TERB1: variants seen among roughly 807,000 people sequenced by gnomAD.
TERB1 encodes telomere repeat binding bouquet formation protein 1.
A neutral mutation model predicts 92.3 loss-of-function variants in TERB1; 63 were observed. The observed-to-expected ratio is 0.68, with a 90% CI of 0.56 to 0.84. The LOEUF (loss-of-function observed/expected upper bound fraction) is 0.84, where lower values mean the gene tolerates loss of function less well. Among genes scored for constraint, TERB1 ranks in the 40% least tolerant of loss-of-function variants. The probability of loss-of-function intolerance (pLI) is 0.00; values close to 1 mark genes in which losing one functional copy is unlikely to be tolerated. For synonymous variants in TERB1, 252 were observed against 283.9 expected (o/e 0.89, Z 1.13); for missense variants, 709 against 843.7 (o/e 0.84, Z 1.98).
At chr16:66,790,164 A>G (rs1415716084) in intron 5 of TERB1, among the ~76,000 whole-genome samples, 2 of 151,484 alleles carry the variant, frequency 1.3e-5, no homozygotes, top group African/African-American at 4.8e-5. Context: ...CACACATGAC[A>G]TGGTTGTGGG....
chr16:66,763,438 T>C (rs992447467), intron 16 of TERB1, among the ~76,000 whole-genome samples: 1 of 152,230 alleles, frequency 6.6e-6, no homozygotes, highest in Non-Finnish European at 1.5e-5. Context: ...TTGTGTGTCC[T>C]ATAAACTAGT....
chr16:66,794,915 AAAAAAAAACACACACACAC>A (rs2018902639), intron 3 of TERB1, among the ~76,000 whole-genome samples: 1 of 75,158 alleles, frequency 1.3e-5, no homozygotes, highest in South Asian at 7.7e-4. Context: ...GTCTCAAAAA[AAAAAAAAACACACACACAC>A]ACACACACAC....
intron 9 of TERB1, among the ~76,000 whole-genome samples, chr16:66,780,705 C>T (rs1230024380): frequency 6.6e-6 from 1 of 152,116 alleles, no homozygotes; most frequent in Non-Finnish European, 1.5e-5. Context: ...ATTTATTGTA[C>T]ACTGAATATT....
chr16:66,786,229 A>G lies in TERB1; in HGVS notation c.457T>C (p.Phe153Leu), dbSNP rs1397864801. The change falls in exon 7 of 19, where the codon TTC becomes CTC. Residue 153 changes from phenylalanine (F) to leucine (L), a missense_variant. By Grantham distance (22) the Phe-to-Leu change is conservative. Coordinates refer to ENST00000433154, the MANE Select transcript of TERB1 (RefSeq NM_001136505.2). ...AAGAAATTTGTATTTGTTTACCTGA[A>G]TAACCGTGACAGAACTGTAATACAA... Reference protein sequence around the residue: ...TGCITVLSRLFRTVISKHELD... With the variant: ...TGCITVLSRLLRTVISKHELD... The G allele has an allele frequency of 1.3e-6, 2 of 1,549,248 alleles. No homozygotes were observed. The highest frequency in any genetic ancestry group is 2.4e-5 in the South Asian group (2 of 83,460).
intron 10 of TERB1, among the ~76,000 whole-genome samples, chr16:66,777,903 CAG>C (rs1359071606): frequency 1.8e-4 from 28 of 152,328 alleles, no homozygotes; most frequent in Admixed American, 1.7e-3. Context: ...AGAGTTCACC[CAG>C]AGTCTAACAA....
At chr16:66,785,202 C>T (rs1280956992) in intron 9 of TERB1, among the ~76,000 whole-genome samples, 3 of 151,188 alleles carry the variant, frequency 2.0e-5, no homozygotes, top group Admixed American at 6.6e-5. Flanking sequence ...GCCAACATGC[C>T]CAGCTAATTT....
At position 66,759,044 on chromosome 16, in the gene TERB1, T is replaced by C. The variant is rs1482791477; in HGVS notation, c.1930+97A>G. The C allele has an allele frequency of 3.5e-6, 4 of 1,157,066 alleles. No homozygotes were observed. The South Asian group carries it at 5.0e-5, about 15-fold the overall frequency. 71.7% of individuals were successfully genotyped at this position (1,157,066 alleles called of 1,614,324 possible). On this transcript the variant is annotated intron_variant, in intron 17 of 18. Coordinates refer to ENST00000433154, the MANE Select transcript of TERB1 (RefSeq NM_001136505.2). ...TTAGAGACAGATTTTCTTTTTAAGATTATTTTATCCTCTAGTTTTTAATAT... is the reference window on the plus strand; with the variant it reads ...TTAGAGACAGATTTTCTTTTTAAGACTATTTTATCCTCTAGTTTTTAATAT...
At position 66,768,085 on chromosome 16, in the gene TERB1, G is replaced by A; in HGVS notation, c.1684+19C>T. 1.3e-6 allele frequency: 2 copies of A among 1,532,624 alleles called. No homozygotes were observed. The highest frequency in any genetic ancestry group is 1.8e-6 in the Non-Finnish European group (2 of 1,130,840). 94.9% of individuals were successfully genotyped at this position (1,532,624 alleles called of 1,614,324 possible). A position where few individuals can be genotyped will look rare whatever the true frequency, so the allele number is the denominator to read the frequency against. On this transcript the variant is annotated intron_variant, in intron 15 of 18. Transcript: ENST00000433154. Reference sequence around the variant, plus strand: ...ATATCTGTTTTATTAAAAAACCAAAGAAACATTTTTAATCATACCTGTTAC... The same window carrying A: ...ATATCTGTTTTATTAAAAAACCAAAAAAACATTTTTAATCATACCTGTTAC...
chr16:66,784,675 T>C (rs1383949643), intron 9 of TERB1, among the ~76,000 whole-genome samples: 1 of 151,904 alleles, frequency 6.6e-6, no homozygotes, highest in South Asian at 2.1e-4. Context: ...TCTTTTCTTA[T>C]ACAAGCCTTA....
At chr16:66,758,928 C>CTAGACGGGG in intron 17 of TERB1, 90 bp from the exon 18 acceptor site, 1 of 1,006,888 alleles carries the variant, frequency 9.9e-7, no homozygotes, top group Non-Finnish European at 1.5e-6. Flanking sequence ...TTTATTCCCC[C>CTAGACGGGG]GTCTAGTGGG....
At chr16:66,788,770 G>A (rs1021521422) in intron 5 of TERB1, among the ~76,000 whole-genome samples, 1 of 152,028 alleles carries the variant, frequency 6.6e-6, no homozygotes, top group African/African-American at 2.4e-5. Flanking sequence ...TTTTGTGTGT[G>A]TGTGATAACG....
chr16:66,776,363 T>C (rs1383832667), intron 11 of TERB1, among the ~76,000 whole-genome samples: 6 of 151,028 alleles, frequency 4.0e-5, no homozygotes, highest in Non-Finnish European at 8.9e-5. Context: ...AAGAAAATAA[T>C]TCACTTACAC....
intron 2 of TERB1, among the ~76,000 whole-genome samples, chr16:66,800,392 G>GTTTTTT (rs537071270): frequency 6.5e-5 from 6 of 92,866 alleles, no homozygotes; most frequent in Non-Finnish European, 7.5e-5. Context: ...AATAAAGAAA[G>GTTTTTT]TTTTTTTTTT....
chr16:66,770,437 G>A (rs2018428023), intron 13 of TERB1, 128 bp from the exon 14 acceptor site: 5 of 651,862 alleles, frequency 7.7e-6, no homozygotes, highest in Non-Finnish European at 1.3e-5. Flanking sequence ...TATGATAAAA[G>A]GCAGTTTACA....
intron 16 of TERB1, among the ~76,000 whole-genome samples, chr16:66,766,760 T>C (rs542464140): frequency 2.0e-5 from 3 of 152,192 alleles, no homozygotes; most frequent in Middle Eastern, 3.2e-3. Flanking sequence ...TATTCATACA[T>C]ACAAATATTG....
chr16:66,792,857 T>C (rs980497258), intron 3 of TERB1, among the ~76,000 whole-genome samples: 14 of 152,104 alleles, frequency 9.2e-5, no homozygotes, highest in African/African-American at 3.4e-4. Context: ...AAAGCTATAA[T>C]ACAGATTTTT....
intron 14 of TERB1, among the ~76,000 whole-genome samples, chr16:66,768,828 G>A (rs562190952): frequency 6.6e-6 from 1 of 152,288 alleles, no homozygotes; most frequent in Non-Finnish European, 1.5e-5. Context: ...CCCTAGCCGG[G>A]TGCGGTGGTT....
At chr16:66,786,725 G>A (rs1007048776) in intron 6 of TERB1, among the ~76,000 whole-genome samples, 1 of 152,180 alleles carries the variant, frequency 6.6e-6, no homozygotes, top group African/African-American at 2.4e-5. Flanking sequence ...GACTACCATT[G>A]TGCCTGGGTC....
In TERB1 at chr16:66,781,519, C is replaced by CTTT. The variant is rs34191078; in HGVS notation, c.701-2507_701-2505dup. 5.0e-3 allele frequency among the ~76,000 whole-genome samples: 604 copies of CTTT among 121,124 alleles called. 15 individuals are homozygous for CTTT. Among genetic ancestry groups the CTTT allele is most frequent in the African/African-American group, 5.7e-3 (179 of 31,630 alleles). 79.5% of individuals were successfully genotyped at this position (121,124 alleles called of 152,430 possible). ...GTTTACAAGTTTCTGGGTACAAATT[C>CTTT]TTTTTTTTTTTTTTTTTTGAGACAG... is the stretch of plus-strand genomic sequence containing the variant. On this transcript the variant is annotated intron_variant, in intron 9 of 18. Transcript: ENST00000433154.
Sources: gnomAD v4.1 joint callset for allele counts (sites outside exome capture counted in the v4.1 genomes callset) on GRCh38, gnomAD v4.1.1 for gene constraint, MANE v1.5 for transcripts, NCBI Gene and HGNC (gene_info 2026-07-23, HGNC 2026-07-21) for gene names.